The following PALM2AKAP2 variants were observed in gnomAD, a reference collection of about 807,000 sequenced individuals.
PALM2AKAP2 encodes the protein PALM2 and AKAP2 fusion, also known as PALM2-AKAP2 fusion protein.
A neutral mutation model predicts 71.5 loss-of-function variants in PALM2AKAP2; 37 were observed. That is an observed-to-expected ratio of 0.52 (90% CI 0.40 to 0.68). The LOEUF (loss-of-function observed/expected upper bound fraction) is 0.68. Ranked by LOEUF, PALM2AKAP2 falls within the 30% of genes least tolerant of loss-of-function variation. The pLI is 0.00. For missense variants in PALM2AKAP2, 1,224 were observed against 1,191.8 expected (o/e 1.03, Z -0.40); for synonymous variants, 468 against 478.8 (o/e 0.98, Z 0.29).
At chr9:109,880,667 A>G (rs771774343) in exon 3 of PALM2AKAP2, 7 of 1,613,826 alleles carry the variant, frequency 4.3e-6, no homozygotes, top group East Asian at 2.2e-5. Flanking sequence ...AGCAACTTGA[A>G]GATAACATTC....
intron 7 of PALM2AKAP2, among the ~76,000 whole-genome samples, chr9:110,028,934 T>C (rs952663971): frequency 1.3e-5 from 2 of 149,338 alleles, no homozygotes; most frequent in Non-Finnish European, 3.0e-5. Context: ...ATTTGTGGTT[T>C]TGGGTTCTTT....
At chr9:110,070,502 C>G (rs1011688885) in intron 1 of PALM2AKAP2, among the ~76,000 whole-genome samples, 4 of 152,268 alleles carry the variant, frequency 2.6e-5, no homozygotes, top group African/African-American at 9.6e-5. Context: ...GAAAAAAGAG[C>G]CTCACCAATT....
At chr9:110,167,842 T>C (rs979470696) in intron 3 of PALM2AKAP2, among the ~76,000 whole-genome samples, 1 of 152,224 alleles carries the variant, frequency 6.6e-6, no homozygotes, top group South Asian at 2.1e-4. Flanking sequence ...TGCTTGTTTA[T>C]GAAGAGACTA....
In PALM2AKAP2 at chr9:109,762,054, T is replaced by C. The variant is rs2118737627; in HGVS notation, c.6-18434T>C. 1.3e-5 allele frequency among the ~76,000 whole-genome samples: 2 copies of C among 152,270 alleles called. 1 individual carries two copies. The highest frequency in any genetic ancestry group is 2.9e-5 in the Non-Finnish European group (2 of 68,032). On this transcript the variant is annotated intron_variant, in intron 1 of 6. Transcript: ENST00000374531. ...AGGAAACAACAGATGCTGGAGAGGCTGTGGAAAAATAGGAATGCTTTTACA... is the reference window on the plus strand; with the variant it reads ...AGGAAACAACAGATGCTGGAGAGGCCGTGGAAAAATAGGAATGCTTTTACA...
rs143137198 is a variant in PALM2AKAP2 at position 109,925,784 on chromosome 9, A to G, written c.394+702A>G. Among the ~76,000 whole-genome samples the G allele has an allele frequency of 9.7e-3, 1,466 of 151,820 alleles. 8 individuals are homozygous for G. The highest frequency in any genetic ancestry group is 0.015 in the Non-Finnish European group (1,026 of 67,900). ...TGAGATTGTGTACTTCTCACCCTTC[A>G]CCTTGCTCCCTATCCTCAGCTGCAA... is the stretch of plus-strand genomic sequence containing the variant. On this transcript the variant is annotated intron_variant, in intron 5 of 9. Transcript: ENST00000302798.
At chr9:110,088,703 GTTTT>G (rs71373964) in intron 1 of PALM2AKAP2, among the ~76,000 whole-genome samples, 239 of 75,418 alleles carry the variant, frequency 3.2e-3, no homozygotes, top group African/African-American at 6.7e-3. Flanking sequence ...GCATTTACGT[GTTTT>G]TTTTTTTTTT....
intron 3 of PALM2AKAP2, among the ~76,000 whole-genome samples, chr9:109,903,582 A>T (rs942197691): frequency 5.9e-5 from 9 of 152,202 alleles, no homozygotes; most frequent in Admixed American, 5.2e-4. Flanking sequence ...CAAGGGAACA[A>T]GGAGTTCAGT....
At chr9:109,834,070 G>C (rs1021815589) in intron 1 of PALM2AKAP2, among the ~76,000 whole-genome samples, 1 of 152,190 alleles carries the variant, frequency 6.6e-6, no homozygotes, top group Non-Finnish European at 1.5e-5. Flanking sequence ...AAAATTAGCA[G>C]GACATAGTGG....
At chr9:110,138,521 T>C (rs1196332856) in exon 2 of PALM2AKAP2, 1 of 1,607,316 alleles carries the variant, frequency 6.2e-7, no homozygotes, top group East Asian at 2.2e-5. Context: ...CTCCAGAACA[T>C]GCTACAAAAC....
At chr9:109,807,626 T>C (rs1827615189) in intron 1 of PALM2AKAP2, among the ~76,000 whole-genome samples, 1 of 152,056 alleles carries the variant, frequency 6.6e-6, no homozygotes, top group Non-Finnish European at 1.5e-5. Flanking sequence ...AGGTAGTGCT[T>C]TAATCTATTG....
At chr9:109,742,902 G>A (rs1253733262) in intron 1 of PALM2AKAP2, among the ~76,000 whole-genome samples, 2 of 152,154 alleles carry the variant, frequency 1.3e-5, no homozygotes, top group Admixed American at 6.5e-5. Flanking sequence ...GCCACAAAAA[G>A]CATGCTTGTC....
intron 7 of PALM2AKAP2, among the ~76,000 whole-genome samples, chr9:110,032,258 T>TA (rs1389909601): frequency 2.0e-5 from 3 of 151,960 alleles, no homozygotes; most frequent in South Asian, 2.1e-4. Context: ...ACTTTTGGAC[T>TA]AAAAAAAATC....
At chr9:110,101,171 G>A (rs1283312520) in intron 1 of PALM2AKAP2, among the ~76,000 whole-genome samples, 2 of 152,098 alleles carry the variant, frequency 1.3e-5, no homozygotes, top group Non-Finnish European at 2.9e-5. Flanking sequence ...TTTTTACCAG[G>A]TCTTATCCCC....
intron 1 of PALM2AKAP2, among the ~76,000 whole-genome samples, chr9:109,724,141 TAAA>T (rs1828442836): frequency 6.6e-6 from 1 of 151,984 alleles, no homozygotes; most frequent in Non-Finnish European, 1.5e-5. Context: ...AATAATAAAA[TAAA>T]TAGCAATAAA....
intron 6 of PALM2AKAP2, among the ~76,000 whole-genome samples, chr9:110,014,803 A>AAAGTATAT (rs1832947098): frequency 6.2e-5 from 1 of 16,020 alleles, no homozygotes; most frequent in Non-Finnish European, 1.4e-4. Flanking sequence ...AAAAAAAAAA[A>AAAGTATAT]ATGTATATAT....
intron 1 of PALM2AKAP2, among the ~76,000 whole-genome samples, chr9:109,666,309 C>T (rs12683397): frequency 0.18 from 26,801 of 152,158 alleles, 2,487 homozygotes; most frequent in Middle Eastern, 0.31. Flanking sequence ...TGTTCCTATT[C>T]GGCCATCTTG....
At chr9:109,880,807 A>G (rs1272595790) in intron 3 of PALM2AKAP2, 126 bp downstream of exon 3, 1 of 1,366,840 alleles carries the variant, frequency 7.3e-7, no homozygotes, top group African/African-American at 1.4e-5. Flanking sequence ...CTTCCTAAAC[A>G]AAGCACATTG....
At chr9:109,697,639 T>C (rs1014154686) in intron 1 of PALM2AKAP2, among the ~76,000 whole-genome samples, 2 of 152,162 alleles carry the variant, frequency 1.3e-5, no homozygotes, top group East Asian at 3.8e-4. Context: ...ATAAATTACA[T>C]TTAAAAAAAT....
At chr9:109,999,762 C>T (rs1322546468) in intron 6 of PALM2AKAP2, among the ~76,000 whole-genome samples, 1 of 152,182 alleles carries the variant, frequency 6.6e-6, no homozygotes. Context: ...TAATTTGTGT[C>T]CCACTAAATG....
Sources: gnomAD v4.1 joint callset for allele counts (sites outside exome capture counted in the v4.1 genomes callset) on GRCh38, gnomAD v4.1.1 for gene constraint, MANE v1.5 for transcripts, NCBI Gene and HGNC (gene_info 2026-07-23, HGNC 2026-07-21) for gene names.